The following STK32B variants were observed in gnomAD, a reference collection of about 807,000 sequenced individuals.
The protein encoded by STK32B is serine/threonine-protein kinase 32B.
In STK32B, 43 loss-of-function variants were observed where a neutral mutation model predicts 52.6. The ratio of observed to expected loss-of-function variants is 0.82; its 90% confidence interval spans 0.64 to 1.05. The LOEUF (loss-of-function observed/expected upper bound fraction) is 1.05, where lower values mean the gene tolerates loss of function less well. Ranked by LOEUF, STK32B falls within the 50% of genes least tolerant of loss-of-function variation. The pLI is 0.00. For missense variants in STK32B, 621 were observed against 534.6 expected, an observed-to-expected ratio of 1.16 and a Z score of -1.59; for synonymous variants, 238 against 204.3, an observed-to-expected ratio of 1.17 and a Z score of -1.41.
chr4:5,492,295 A>G (rs544085310), intron 11 of STK32B, among the ~76,000 whole-genome samples: 14 of 152,228 alleles, frequency 9.2e-5, no homozygotes, highest in African/African-American at 3.1e-4. Flanking sequence ...GGTCCTTCAC[A>G]TCCCTTGTAA....
rs1284701054 is a variant in STK32B, at chr4:5,051,750, G to T, written c.-114G>T. ...CTCGGCCCCCTCGGGCTCCGCGCGC[G>T]GCTACAACCCGGACTGGGCGCGCCC... On this transcript the variant is annotated 5_prime_UTR_variant, in exon 1 of 12. Transcript: ENST00000282908. 5 of 1,443,538 alleles carry T rather than the reference G, an allele frequency of 3.5e-6. No homozygotes were observed. Among genetic ancestry groups the T allele is most frequent in the Non-Finnish European group, 4.7e-6 (5 of 1,071,496 alleles). 89.4% of individuals were successfully genotyped at this position (1,443,538 alleles called of 1,614,324 possible).
intron 3 of STK32B, among the ~76,000 whole-genome samples, chr4:5,305,245 A>G (rs1490497307): frequency 6.6e-6 from 1 of 150,958 alleles, no homozygotes; most frequent in South Asian, 2.1e-4. Flanking sequence ...ATCTTTTGGA[A>G]TAGTGTCTCA....
At chr4:5,336,660 T>C (rs954445883) in intron 4 of STK32B, among the ~76,000 whole-genome samples, 2 of 152,214 alleles carry the variant, frequency 1.3e-5, no homozygotes, top group Non-Finnish European at 2.9e-5. Context: ...ATAAAGTCTT[T>C]ATACTTTTCT....
intron 3 of STK32B, among the ~76,000 whole-genome samples, chr4:5,255,141 A>G (rs1408430075): frequency 1.3e-5 from 2 of 152,146 alleles, no homozygotes; most frequent in East Asian, 1.9e-4. Flanking sequence ...GATTAATGGT[A>G]TGTTACTTTA....
chr4:5,220,995 TTGAG>T (rs1242483663), intron 3 of STK32B, among the ~76,000 whole-genome samples: 4 of 152,230 alleles, frequency 2.6e-5, no homozygotes, highest in African/African-American at 9.6e-5. Flanking sequence ...TTCTGAGTGA[TTGAG>T]TATCTAACAT....
rs1679285487 is a variant in STK32B, at chr4:5,500,570, T to C, written c.*1487T>C. The C allele has an allele frequency of 6.6e-6, 1 of 152,218 alleles. No individual in the cohort carries two copies. The highest frequency in any genetic ancestry group is 6.5e-5 in the Admixed American group (1 of 15,282). The allele number at this position is 152,218 out of a possible 1,614,324, so 9.4% of individuals were successfully genotyped here. On this transcript the variant is annotated 3_prime_UTR_variant, in exon 12 of 12. Coordinates refer to ENST00000282908, the MANE Select transcript of STK32B (RefSeq NM_018401.3). ...TTCATCCAACTTCCATTTTTCACTT[T>C]TTACATGATTACTCAATCCTTGGGG...
Position 5,500,175 on chromosome 4 carries a change from T to C in STK32B, c.*1092T>C, listed in dbSNP as rs1350021158. ...GGATGAGCAGGGAAAGCTTAGACTT[T>C]GGAGTCAGGTTTGTGTTCAGAATCC... On this transcript the variant is annotated 3_prime_UTR_variant, in exon 12 of 12. Coordinates refer to ENST00000282908, the MANE Select transcript of STK32B (RefSeq NM_018401.3). 3 of 152,186 alleles carry C rather than the reference T, an allele frequency of 2.0e-5. No homozygotes were observed. Among genetic ancestry groups the C allele is most frequent in the Non-Finnish European group, 4.4e-5 (3 of 68,044 alleles). The allele number at this position is 152,186 out of a possible 1,614,324, so 9.4% of individuals were successfully genotyped here.
intron 3 of STK32B, among the ~76,000 whole-genome samples, chr4:5,189,513 T>A (rs1223492599): frequency 6.6e-6 from 1 of 152,242 alleles, no homozygotes; most frequent in Admixed American, 6.5e-5. Context: ...ACAAGTAATA[T>A]TCCATTATCT....
chr4:5,247,557 C>T lies in STK32B; in HGVS notation c.260+79107C>T, dbSNP rs10021488. Among the ~76,000 whole-genome samples the T allele has an allele frequency of 9.7e-3, 1,478 of 152,290 alleles. 22 individuals are homozygous for T. The highest frequency in any genetic ancestry group is 0.075 in the East Asian group (386 of 5,156). ...ATGCCTCGCCCTGCTTTGGCTCACT[C>T]ATGGTGTACTGCACCCACTGTCCTG... is the stretch of plus-strand genomic sequence containing the variant. On this transcript the variant is annotated intron_variant, in intron 3 of 11. Transcript: ENST00000282908.
At chr4:5,324,289 G>C (rs968594692) in intron 3 of STK32B, among the ~76,000 whole-genome samples, 12 of 152,170 alleles carry the variant, frequency 7.9e-5, no homozygotes, top group African/African-American at 2.9e-4. Flanking sequence ...AGGAGGCAGA[G>C]GTTGCAGTGA....
chr4:5,223,542 G>A (rs1436884828), intron 3 of STK32B, among the ~76,000 whole-genome samples: 18 of 152,240 alleles, frequency 1.2e-4, no homozygotes, highest in Non-Finnish European at 2.5e-4. Context: ...AGCCAGGCGC[G>A]GTGGCTCACA....
intron 2 of STK32B, among the ~76,000 whole-genome samples, chr4:5,150,870 G>A (rs998003870): frequency 6.6e-6 from 1 of 152,128 alleles, no homozygotes; most frequent in Non-Finnish European, 1.5e-5. Context: ...TCATCTTAAT[G>A]TTGAGATTTT....
Position 5,400,879 on chromosome 4 carries a change from G to C in STK32B, c.472+2635G>C, listed in dbSNP as rs114399376. 4.6e-3 allele frequency among the ~76,000 whole-genome samples: 697 copies of C among 152,226 alleles called. 6 individuals are homozygous for C. Among genetic ancestry groups the C allele is most frequent in the African/African-American group, 0.016 (679 of 41,530 alleles). On this transcript the variant is annotated intron_variant, in intron 5 of 11. Transcript: ENST00000282908. The surrounding 1 kb of genome is among the most constrained non-coding windows in gnomAD (Gnocchi z 6.1). Reference sequence around the variant, plus strand: ...ACAGAATGATGAACAAGGCAAACAGGGTCCCAACGCTGATGGGTTTCATGG... The same window carrying C: ...ACAGAATGATGAACAAGGCAAACAGCGTCCCAACGCTGATGGGTTTCATGG...
In STK32B at chr4:5,239,272, T is replaced by C. The variant is rs548029412; in HGVS notation, c.260+70822T>C. On this transcript the variant is annotated intron_variant, in intron 3 of 11. Transcript: ENST00000282908. ...AGCACAGAGAGATATTTTGTAAAGA[T>C]TTCTCTGGCTGCTGGGCAAATAATG... is the stretch of plus-strand genomic sequence containing the variant. 1.1e-4 allele frequency among the ~76,000 whole-genome samples: 17 copies of C among 152,262 alleles called. No homozygotes were observed. The South Asian group carries it at 3.5e-3, about 32-fold the overall frequency.
chr4:5,134,588 A>G (rs10804959), intron 1 of STK32B, among the ~76,000 whole-genome samples: 111,341 of 152,180 alleles, frequency 0.73, 44,695 homozygotes, highest in South Asian at 0.89. Flanking sequence ...ACTAAGGCAT[A>G]TCAGAAACCA....
chr4:5,383,053 G>A (rs929826127), intron 4 of STK32B, among the ~76,000 whole-genome samples: 33 of 152,298 alleles, frequency 2.2e-4, no homozygotes, highest in African/African-American at 7.2e-4. Flanking sequence ...TCTCCACGTC[G>A]ACTCTGCTTT....
intron 6 of STK32B, among the ~76,000 whole-genome samples, chr4:5,423,115 G>A (rs970266191): frequency 1.3e-5 from 2 of 152,102 alleles, no homozygotes; most frequent in African/African-American, 4.8e-5. Context: ...GTTCAGTGCT[G>A]GAGACCACTA....
intron 7 of STK32B, among the ~76,000 whole-genome samples, chr4:5,447,857 A>AT (rs1715609083): frequency 6.6e-6 from 1 of 152,216 alleles, no homozygotes; most frequent in African/African-American, 2.4e-5. Flanking sequence ...ACTCATCTCC[A>AT]TAGCACCAGT....
In STK32B at chr4:5,348,010, C is replaced by CT. The variant is rs1369860254; in HGVS notation, c.434+16618dup. Among the ~76,000 whole-genome samples, 15 of 152,222 alleles carry CT rather than the reference C, an allele frequency of 9.9e-5. No homozygotes were observed. The East Asian group carries it at 2.7e-3, about 27-fold the overall frequency. ...ACAAAATAATGAGTACATAACCACT[C>CT]TGAGTAGATCATCTAAGAGAGAATA... On this transcript the variant is annotated intron_variant, in intron 4 of 11. Transcript: ENST00000282908.
Sources: allele counts gnomAD v4.1 joint callset (sites outside exome capture counted in the v4.1 genomes callset), GRCh38; gene constraint gnomAD v4.1.1; non-coding constraint Gnocchi (gnomAD v3.1); transcripts MANE v1.5; gene names NCBI Gene and HGNC (gene_info 2026-07-23, HGNC 2026-07-21).